METRN: variants seen among roughly 807,000 people sequenced by gnomAD.
METRN encodes meteorin.
METRN carries 17 observed loss-of-function variants against 17.4 expected under a neutral mutation model. The observed-to-expected ratio is 0.98, with a 90% CI of 0.67 to 1.46. The LOEUF (loss-of-function observed/expected upper bound fraction) is 1.46, where lower values mean the gene tolerates loss of function less well. METRN is among the 40% of genes most tolerant of loss of function. METRN has a pLI of 0.00. For synonymous variants in METRN, 230 were observed against 210.8 expected, an observed-to-expected ratio of 1.09 and a Z score of -0.79; for missense variants, 489 against 456.2, an observed-to-expected ratio of 1.07 and a Z score of -0.65.
rs28481409 is a variant in METRN at position 719,501 on chromosome 16, C to T, written c.*2114C>T. ...CAAGCAGCAGAGTGCCTGGTGTGGA[C>T]GGGAGAGGAGTGGGGAGGTTGGGCG... On this transcript the variant is annotated 3_prime_UTR_variant, in exon 4 of 4. Coordinates refer to ENST00000568223, the MANE Select transcript of METRN (RefSeq NM_024042.4). 4,342 of 152,300 alleles carry T rather than the reference C, an allele frequency of 0.029. 201 individuals carry two copies. The highest frequency in any genetic ancestry group is 0.099 in the African/African-American group (4,086 of 41,470). The allele number at this position is 152,300 out of a possible 1,614,324, so 9.4% of individuals were successfully genotyped here. A position where few individuals can be genotyped will look rare whatever the true frequency, so the allele number is the denominator to read the frequency against.
At position 715,377 on chromosome 16, in the gene METRN, T is replaced by C; in HGVS notation, c.88T>C (p.Cys30Arg). 1 of 1,333,928 alleles carries C rather than the reference T, an allele frequency of 7.5e-7. No homozygotes were observed. Among genetic ancestry groups the C allele is most frequent in the African/African-American group, 1.5e-5 (1 of 65,054 alleles). The allele number at this position is 1,333,928 out of a possible 1,614,324, so 82.6% of individuals were successfully genotyped here. Residue 30 changes from cysteine to arginine, a missense_variant, in exon 1 of 4, where the codon TGC becomes CGC. Transcript: ENST00000568223. ...CCGCGCCGGCTACTCCGAGGAGCGCTGCAGCTGGAGGGGCAGGTACGGTCC... is the reference window on the plus strand; with the variant it reads ...CCGCGCCGGCTACTCCGAGGAGCGCCGCAGCTGGAGGGGCAGGTACGGTCC... ...AARAGYSEER[C>R]SWRGSGLTQE... is the part of the protein sequence containing the mutation.
In METRN at chr16:715,238, C is replaced by A; in HGVS notation, c.-52C>A. The A allele has an allele frequency of 9.9e-7, 1 of 1,005,614 alleles. No homozygotes were observed. The highest frequency in any genetic ancestry group is 1.2e-6 in the Non-Finnish European group (1 of 817,624). 62.3% of individuals were successfully genotyped at this position (1,005,614 alleles called of 1,614,324 possible). On this transcript the variant is annotated 5_prime_UTR_variant, in exon 1 of 4. Transcript: ENST00000568223. ...CGCCGCCGCCCGGACCCGCGCCCCG[C>A]CGGGGCAGCGGTGGTGAGAGCCCCG...
Position 715,242 on chromosome 16 carries a change from G to A in METRN, c.-48G>A, listed in dbSNP as rs2040150231. The A allele has an allele frequency of 2.8e-6, 3 of 1,062,760 alleles. No homozygotes were observed. The highest frequency in any genetic ancestry group is 5.0e-5 in the Admixed American group (1 of 20,066). The allele number at this position is 1,062,760 out of a possible 1,614,324, so 65.8% of individuals were successfully genotyped here. ...GCCGCCCGGACCCGCGCCCCGCCGG[G>A]GCAGCGGTGGTGAGAGCCCCGACTC... On this transcript the variant is annotated 5_prime_UTR_variant, in exon 1 of 4. Coordinates refer to ENST00000568223, the MANE Select transcript of METRN (RefSeq NM_024042.4).
At position 719,192 on chromosome 16, in the gene METRN, C is replaced by T. The variant is rs2040185965; in HGVS notation, c.*1805C>T. 1 of 152,276 alleles carries T rather than the reference C, an allele frequency of 6.6e-6. No individual in the cohort carries two copies. Among genetic ancestry groups the T allele is most frequent in the Non-Finnish European group, 1.5e-5 (1 of 68,098 alleles). The allele number at this position is 152,276 out of a possible 1,614,324, so 9.4% of individuals were successfully genotyped here. On this transcript the variant is annotated 3_prime_UTR_variant, in exon 4 of 4. Coordinates refer to ENST00000568223, the MANE Select transcript of METRN (RefSeq NM_024042.4). ...TCTCAGGAAGTGCCTGAGCCTTGCA[C>T]CTACAGACCCTCCCAGAGAAAGCCC...
intron 2 of METRN, chr16:716,693 C>A: frequency 6.5e-7 from 1 of 1,535,478 alleles, no homozygotes; most frequent in Admixed American, 2.0e-5. Context: ...AGGCCCACGT[C>A]TGTGTGCATT....
rs1338404555 is a variant in METRN at position 717,778 on chromosome 16, G to C, written c.*391G>C. The C allele has an allele frequency of 5.3e-6, 1 of 189,820 alleles. No homozygotes were observed. The highest frequency in any genetic ancestry group is 1.1e-5 in the Non-Finnish European group (1 of 93,630). 11.8% of individuals were successfully genotyped at this position (189,820 alleles called of 1,614,324 possible). Reference sequence around the variant, plus strand: ...GCACCCTTGCCTGCTTCCCTGGCTGGCTCCCACTTGCCTCCCGTGCCAGGT... The same window carrying C: ...GCACCCTTGCCTGCTTCCCTGGCTGCCTCCCACTTGCCTCCCGTGCCAGGT... On this transcript the variant is annotated 3_prime_UTR_variant, in exon 4 of 4. Coordinates refer to ENST00000568223, the MANE Select transcript of METRN (RefSeq NM_024042.4).
intron 2 of METRN, 192 bp from the exon 3 acceptor site, chr16:716,741 G>A (rs1249150206): frequency 6.5e-7 from 1 of 1,535,264 alleles, no homozygotes; most frequent in African/African-American, 1.4e-5. Flanking sequence ...TGTGTTTCCT[G>A]AGTACAGGTG....
Position 717,429 on chromosome 16 carries a change from GCC to G in METRN, c.*44_*45del. 7.4e-7 allele frequency: 1 copy of G among 1,343,556 alleles called. No individual in the cohort carries two copies. The highest frequency in any genetic ancestry group is 9.7e-7 in the Non-Finnish European group (1 of 1,033,342). 83.2% of individuals were successfully genotyped at this position (1,343,556 alleles called of 1,614,324 possible). ...GAGGGGCTGGTAGGAGGGAGGGTGG[GCC>G]CACTGCTTTGGAGGTGATGGGACTA... On this transcript the variant is annotated 3_prime_UTR_variant, in exon 4 of 4. Transcript: ENST00000568223.
At position 715,580 on chromosome 16, in the gene METRN, C is replaced by T. The variant is rs1053868178; in HGVS notation, c.105-4C>T. 141 of 1,349,818 alleles carry T rather than the reference C, an allele frequency of 1.0e-4. No individual in the cohort carries two copies. The highest frequency in any genetic ancestry group is 1.3e-4 in the Non-Finnish European group (138 of 1,056,402). The allele number at this position is 1,349,818 out of a possible 1,614,324, so 83.6% of individuals were successfully genotyped here. ...CTCAGCGCCCCGTCCCGTCCTGTCC[C>T]CAGCGGCCTCACCCAGGAGCCCGGC... On this transcript the variant is annotated splice_polypyrimidine_tract_variant and splice_region_variant and intron_variant, in intron 1 of 3. Transcript: ENST00000568223.
chr16:716,410 C>T (rs2151527336), intron 2 of METRN: 1 of 1,431,800 alleles, frequency 7.0e-7, no homozygotes, highest in East Asian at 2.5e-5. Context: ...GCTCGCCTCC[C>T]TGCAGGGCAC....
chr16:716,753 C>A, intron 2 of METRN, 180 bp from the exon 3 acceptor site: 1 of 1,534,918 alleles, frequency 6.5e-7, no homozygotes, highest in South Asian at 1.2e-5. Context: ...GTACAGGTGT[C>A]GCCGAGGGCG....
rs186799284 is a variant in METRN, at chr16:715,709, G to T, written c.230G>T (p.Arg77Leu). 1,137 of 1,382,282 alleles carry T rather than the reference G, an allele frequency of 8.2e-4. 10 individuals are homozygous for T. In the African/African-American group the frequency reaches 0.015, roughly 19 times the overall value. The allele number at this position is 1,382,282 out of a possible 1,614,324, so 85.6% of individuals were successfully genotyped here. ...CTGGGCGGCCCCGATCCCAGAGCGCGGCCCGGCATCGCCTGTCTGCGGCCG... is the reference window on the plus strand; with the variant it reads ...CTGGGCGGCCCCGATCCCAGAGCGCTGCCCGGCATCGCCTGTCTGCGGCCG... ...LTLGGPDPRA[R>L]PGIACLRPVR... is the part of the protein sequence containing the mutation. Residue 77 changes from arginine to leucine, a missense_variant, in exon 2 of 4, where the codon CGG (arginine) becomes CTG (leucine). Physicochemically the swap from Arg to Leu is moderately radical, Grantham distance 102. Coordinates refer to ENST00000568223, the MANE Select transcript of METRN (RefSeq NM_024042.4).
Position 715,390 on chromosome 16 carries a change from G to C in METRN, c.101G>C (p.Gly34Ala). The C allele has an allele frequency of 7.6e-7, 1 of 1,321,384 alleles. No individual in the cohort carries two copies. The highest frequency in any genetic ancestry group is 2.9e-4 in the Middle Eastern group (1 of 3,502). The allele number at this position is 1,321,384 out of a possible 1,614,324, so 81.9% of individuals were successfully genotyped here. The change falls in exon 1 of 4, where the codon GGC (glycine) becomes GCC (alanine). Residue 34 changes from glycine to alanine, a missense_variant. Transcript: ENST00000568223. ...TCCGAGGAGCGCTGCAGCTGGAGGG[G>C]CAGGTACGGTCCGGGGGGCTGTCCC... is the stretch of plus-strand genomic sequence containing the variant. ...GYSEERCSWR[G>A]SGLTQEPGSV...
In METRN at chr16:715,327, G is replaced by T. The variant is rs1363222934; in HGVS notation, c.38G>T (p.Cys13Phe). ...FPAAALLCALCCGLLAPAARA... is the reference protein window; with the variant it reads ...FPAAALLCALFCGLLAPAARA... ...GCCGCGGCGCTGCTCTGCGCGCTGT[G>T]CTGCGGCCTCCTGGCCCCGGCTGCC... The change falls in exon 1 of 4, where the codon TGC (cysteine) becomes TTC (phenylalanine). Residue 13 changes from cysteine (C) to phenylalanine (F), a missense_variant. Physicochemically the swap from Cys to Phe is radical, Grantham distance 205. Transcript: ENST00000568223. 47 of 1,347,750 alleles carry T rather than the reference G, an allele frequency of 3.5e-5. No individual in the cohort carries two copies. Among genetic ancestry groups the T allele is most frequent in the South Asian group, 6.9e-5 (4 of 57,680 alleles). The allele number at this position is 1,347,750 out of a possible 1,614,324, so 83.5% of individuals were successfully genotyped here.
Position 715,650 on chromosome 16 carries a change from GT to G in METRN, c.172del (p.Trp58GlyfsTer10). The G allele has an allele frequency of 7.0e-7, 1 of 1,436,622 alleles. No homozygotes were observed. The highest frequency in any genetic ancestry group is 9.1e-7 in the Non-Finnish European group (1 of 1,100,430). 89.0% of individuals were successfully genotyped at this position (1,436,622 alleles called of 1,614,324 possible). On this transcript the variant is annotated frameshift_variant, in exon 2 of 4. Transcript: ENST00000568223. LOFTEE classifies it high-confidence loss of function. ...TGGCCTGTGCGGAGGGCGCGGTTGAGTGGCTGTACCCGGCTGGGGCGCTGCG... is the reference window on the plus strand; with the variant it reads ...TGGCCTGTGCGGAGGGCGCGGTTGAGGGCTGTACCCGGCTGGGGCGCTGCG... Reference protein sequence around the residue: ...ALACAEGAVEWLYPAGALRLT... With the variant: ...ALACAEGAVEXLYPAGALRLT...
rs758798485 is a variant in METRN at position 717,354 on chromosome 16, C to T, written c.849C>T (p.Ala283=). 6.8e-6 allele frequency: 10 copies of T among 1,469,636 alleles called. No homozygotes were observed. In the Admixed American group the frequency reaches 2.4e-4, roughly 35 times the overall value. The allele number at this position is 1,469,636 out of a possible 1,614,324, so 91.0% of individuals were successfully genotyped here. A position where few individuals can be genotyped will look rare whatever the true frequency, so the allele number is the denominator to read the frequency against. The change falls in exon 4 of 4, where the codon GCC becomes GCT. Residue 283 remains alanine (A), a synonymous_variant. Coordinates refer to ENST00000568223, the MANE Select transcript of METRN (RefSeq NM_024042.4). ...FRRAYEAARA[A]HLHPCEVALH The stretch of plus-strand genomic sequence containing the variant: ...GTGCCTACGAGGCTGCCCGTGCTGC[C>T]CACCTCCACCCCTGCGAGGTGGCGC...
In METRN at chr16:717,189, C is replaced by T. The variant is rs375712522; in HGVS notation, c.684C>T (p.Ser228=). The T allele has an allele frequency of 4.6e-5, 74 of 1,601,170 alleles. No individual in the cohort carries two copies. The Middle Eastern group carries it at 8.3e-4, about 18-fold the overall frequency. The part of the protein sequence containing the change: ...QTPPLFQAGR[S]GDQGLTSIRT... ...CGCCGCTGTTCCAGGCGGGGCGATC[C>T]GGGGACCAGGGGCTGACCTCCATTC... The change falls in exon 4 of 4, where the codon TCC becomes TCT. Residue 228 remains serine, a synonymous_variant. Transcript: ENST00000568223.
rs1352164418 is a variant in METRN, at chr16:715,605, C to T, written c.126C>T (p.Gly42=). 1.0e-5 allele frequency: 14 copies of T among 1,394,612 alleles called. No homozygotes were observed. The highest frequency in any genetic ancestry group is 1.3e-5 in the Non-Finnish European group (14 of 1,079,958). 86.4% of individuals were successfully genotyped at this position (1,394,612 alleles called of 1,614,324 possible). A position where few individuals can be genotyped will look rare whatever the true frequency, so the allele number is the denominator to read the frequency against. The change falls in exon 2 of 4, where the codon GGC becomes GGT. Residue 42 remains glycine, a synonymous_variant. Coordinates refer to ENST00000568223, the MANE Select transcript of METRN (RefSeq NM_024042.4). ...WRGSGLTQEP[G]SVGQLALACA... ...CCAGCGGCCTCACCCAGGAGCCCGG[C>T]AGCGTGGGGCAGCTGGCCCTGGCCT...
In METRN at chr16:715,939, G is replaced by A. The variant is rs962032575; in HGVS notation, c.460G>A (p.Gly154Arg). 6.0e-6 allele frequency: 9 copies of A among 1,498,436 alleles called. No individual in the cohort carries two copies. The highest frequency in any genetic ancestry group is 2.9e-5 in the African/African-American group (2 of 69,150). 92.8% of individuals were successfully genotyped at this position (1,498,436 alleles called of 1,614,324 possible). ...AAFRFELRED[G>R]RPELPPQAHG... is the part of the protein sequence containing the mutation. ...CTTCCGCTTTGAGCTGCGCGAGGAC[G>A]GGCGCCCCGAGCTGCCCCCGCAGGC... The change falls in exon 2 of 4, where the codon GGG (glycine) becomes AGG (arginine). Residue 154 changes from glycine (G) to arginine (R), a missense_variant. Physicochemically the swap from Gly to Arg is moderately radical, Grantham distance 125. Transcript: ENST00000568223.
Sources: allele counts gnomAD v4.1 joint callset, GRCh38; gene constraint gnomAD v4.1.1; transcripts MANE v1.5; gene names NCBI Gene and HGNC (gene_info 2026-07-23, HGNC 2026-07-21).